Variants in ESCO1 observed in about 807,000 individuals in gnomAD.
ESCO1 encodes the protein establishment of sister chromatid cohesion N-acetyltransferase 1, also known as N-acetyltransferase ESCO1.
In ESCO1, 33 loss-of-function variants were observed where a neutral mutation model predicts 83.5. The ratio of observed to expected loss-of-function variants is 0.40; its 90% CI spans 0.30 to 0.53. The LOEUF (loss-of-function observed/expected upper bound fraction) is 0.53. Among genes scored for constraint, ESCO1 ranks in the 20% least tolerant of loss-of-function variants. The probability of loss-of-function intolerance (pLI) is 0.63; values close to 1 mark genes in which losing one functional copy is unlikely to be tolerated. For missense variants in ESCO1, 855 were observed against 968.0 expected, an observed-to-expected ratio of 0.88 and a Z score of 1.55; for synonymous variants, 332 against 324.3, an observed-to-expected ratio of 1.02 and a Z score of -0.25.
chr18:21,598,423 G>C (rs1025300850), intron 1 of ESCO1, among the ~76,000 whole-genome samples: 1 of 152,198 alleles, frequency 6.6e-6, no homozygotes, highest in Non-Finnish European at 1.5e-5. Flanking sequence ...TACTTGGCCG[G>C]GCATGGTGGC....
intron 1 of ESCO1, among the ~76,000 whole-genome samples, chr18:21,594,379 T>A (rs899704500): frequency 6.6e-6 from 1 of 152,248 alleles, no homozygotes; most frequent in Non-Finnish European, 1.5e-5. Flanking sequence ...CTACAAGATG[T>A]AGCTCTGTAA....
chr18:21,577,111 T>C (rs1294874264), intron 2 of ESCO1, among the ~76,000 whole-genome samples: 1 of 151,250 alleles, frequency 6.6e-6, no homozygotes, highest in Non-Finnish European at 1.5e-5. Context: ...TCCCAACACT[T>C]TGGGAGGTCG....
At chr18:21,572,704 C>G (rs1208879555) in intron 4 of ESCO1, among the ~76,000 whole-genome samples, 1 of 152,108 alleles carries the variant, frequency 6.6e-6, no homozygotes, top group African/African-American at 2.4e-5. Flanking sequence ...GTGGCTCACG[C>G]CTGTAATCCC....
chr18:21,586,154 C>T (rs1461165606), intron 1 of ESCO1, among the ~76,000 whole-genome samples: 1 of 152,142 alleles, frequency 6.6e-6, no homozygotes, highest in Non-Finnish European at 1.5e-5. Flanking sequence ...ATTTTTATAA[C>T]CATTAATCAC....
rs570784002 is a variant in ESCO1 at position 21,535,951 on chromosome 18, G to C, written c.2187+91C>G. ...TTAAAACTGATCTTTACATGAAATGGAGACAAATTTATCAGGATTTATGTT... is the reference window on the plus strand; with the variant it reads ...TTAAAACTGATCTTTACATGAAATGCAGACAAATTTATCAGGATTTATGTT... On this transcript the variant is annotated intron_variant, in intron 10 of 11. Coordinates refer to ENST00000269214, the MANE Select transcript of ESCO1 (RefSeq NM_052911.3). 34 of 1,468,766 alleles carry C rather than the reference G, an allele frequency of 2.3e-5. No homozygotes were observed. In the African/African-American group the frequency reaches 3.8e-4, roughly 16 times the overall value. The allele number at this position is 1,468,766 out of a possible 1,614,324, so 91.0% of individuals were successfully genotyped here. A position where few individuals can be genotyped will look rare whatever the true frequency, so the allele number is the denominator to read the frequency against.
At chr18:21,570,849 C>T (rs1205001400) in intron 4 of ESCO1, among the ~76,000 whole-genome samples, 1 of 151,972 alleles carries the variant, frequency 6.6e-6, no homozygotes. Context: ...TGGTGGCAGG[C>T]GCCTGTAGTC....
At chr18:21,556,742 C>T (rs2038117662) in intron 8 of ESCO1, among the ~76,000 whole-genome samples, 1 of 152,098 alleles carries the variant, frequency 6.6e-6, no homozygotes, top group South Asian at 2.1e-4. Context: ...GCTATGCTGC[C>T]CAGGCTGCAG....
chr18:21,561,032 GAATT>G, intron 7 of ESCO1, 42 bp from the exon 8 acceptor site: 1 of 1,550,252 alleles, frequency 6.5e-7, no homozygotes, highest in Non-Finnish European at 8.7e-7. Context: ...CCTCCCAAAA[GAATT>G]ATTTCAGAAT....
intron 10 of ESCO1, among the ~76,000 whole-genome samples, chr18:21,535,325 C>G (rs1301748180): frequency 2.0e-5 from 3 of 149,002 alleles, no homozygotes; most frequent in East Asian, 3.9e-4. Flanking sequence ...AGCGATTCTC[C>G]TGCCTTAGCC....
chr18:21,579,780 A>G (rs1483236323), intron 2 of ESCO1, among the ~76,000 whole-genome samples: 1 of 51,924 alleles, frequency 1.9e-5, no homozygotes, highest in African/African-American at 6.1e-5. Flanking sequence ...TGACACACAC[A>G]CACACGCGCG....
chr18:21,549,624 C>T (rs563709290), intron 8 of ESCO1, among the ~76,000 whole-genome samples: 8 of 151,836 alleles, frequency 5.3e-5, no homozygotes, highest in South Asian at 4.2e-4. Flanking sequence ...CATGTTGGTC[C>T]GGTTGGTTTC....
intron 8 of ESCO1, among the ~76,000 whole-genome samples, chr18:21,554,636 G>A (rs1224629691): frequency 5.9e-5 from 9 of 152,080 alleles, no homozygotes; most frequent in Non-Finnish European, 1.3e-4. Flanking sequence ...TAGGCAAGGC[G>A]TGGTGGCTCA....
At chr18:21,589,238 C>CAA (rs1167027796) in intron 1 of ESCO1, among the ~76,000 whole-genome samples, 17 of 116,530 alleles carry the variant, frequency 1.5e-4, no homozygotes, top group East Asian at 5.0e-4. Context: ...GACTCCGTCT[C>CAA]AAAAAAAAAA....
chr18:21,545,923 T>C (rs767054103), intron 8 of ESCO1, among the ~76,000 whole-genome samples: 5 of 151,916 alleles, frequency 3.3e-5, no homozygotes, highest in Non-Finnish European at 7.4e-5. Flanking sequence ...AGAGCGAAAC[T>C]CCATCTCAAA....
At chr18:21,592,584 C>T (rs1233449315) in intron 1 of ESCO1, among the ~76,000 whole-genome samples, 3 of 148,764 alleles carry the variant, frequency 2.0e-5, no homozygotes, top group South Asian at 4.3e-4. Context: ...CCGGACGGGG[C>T]GGCTGGTGGG....
chr18:21,585,453 T>G (rs2038561855), intron 1 of ESCO1, among the ~76,000 whole-genome samples: 1 of 152,142 alleles, frequency 6.6e-6, no homozygotes, highest in South Asian at 2.1e-4. Context: ...CCCATTGAAT[T>G]GTCCTGGCCC....
chr18:21,558,744 A>C (rs545913146), intron 8 of ESCO1, among the ~76,000 whole-genome samples: 10 of 152,108 alleles, frequency 6.6e-5, no homozygotes, highest in East Asian at 3.9e-4. Flanking sequence ...AAAAAAAAAA[A>C]AAAACTTGTT....
intron 10 of ESCO1, among the ~76,000 whole-genome samples, chr18:21,533,860 A>G (rs1181783405): frequency 1.3e-5 from 2 of 152,216 alleles, no homozygotes; most frequent in Non-Finnish European, 1.5e-5. Context: ...AGCAAGGTTC[A>G]TAAGCACTAT....
In ESCO1 at chr18:21,574,448, T is replaced by A. The variant is rs779119399; in HGVS notation, c.396A>T (p.Ser132=). 1.2e-6 allele frequency: 2 copies of A among 1,614,180 alleles called. No individual in the cohort carries two copies. The highest frequency in any genetic ancestry group is 1.7e-6 in the Non-Finnish European group (2 of 1,180,026). ...SQRLQQLTEV[S]RRSLRSREIQ... ...TTTCTCTACTGCGTAACGACCTTCT[T>A]GAAACCTCTGTTAATTGTTGTAGCC... The change falls in exon 4 of 12, where the codon TCA becomes TCT. Residue 132 remains serine, a synonymous_variant. Transcript: ENST00000269214.
Sources: gnomAD v4.1 joint callset for allele counts (sites outside exome capture counted in the v4.1 genomes callset) on GRCh38, gnomAD v4.1.1 for gene constraint, MANE v1.5 for transcripts, NCBI Gene and HGNC (gene_info 2026-07-23, HGNC 2026-07-21) for gene names.